RALYL: variants seen among roughly 807,000 people sequenced by gnomAD.
The protein encoded by RALYL is RNA-binding Raly-like protein.
RALYL carries 29 observed loss-of-function variants against 35.1 expected under a neutral mutation model. The observed-to-expected ratio is 0.83, with a 90% confidence interval of 0.61 to 1.13. The LOEUF (loss-of-function observed/expected upper bound fraction) is 1.13, where lower values mean the gene tolerates loss of function less well. Ranked by LOEUF, RALYL falls within the 50% of genes most tolerant of loss-of-function variation. RALYL has a pLI of 0.00. For missense variants in RALYL, 359 were observed against 360.4 expected (o/e 1.00, Z 0.03); for synonymous variants, 120 against 127.6 (o/e 0.94, Z 0.40).
intron 1 of RALYL, among the ~76,000 whole-genome samples, chr8:84,234,969 T>G (rs1015451808): frequency 6.6e-6 from 1 of 151,982 alleles, no homozygotes; most frequent in African/African-American, 2.4e-5. Context: ...TTCACTAAAT[T>G]GGCCAGGCTG....
At chr8:84,447,694 AG>A (rs1197546099) in intron 1 of RALYL, among the ~76,000 whole-genome samples, 1 of 152,068 alleles carries the variant, frequency 6.6e-6, no homozygotes, top group Non-Finnish European at 1.5e-5. Context: ...TGATTGAATG[AG>A]GACACTTTGT....
intron 1 of RALYL, among the ~76,000 whole-genome samples, chr8:84,384,408 C>T (rs1460422111): frequency 6.6e-6 from 1 of 151,730 alleles, no homozygotes; most frequent in Non-Finnish European, 1.5e-5. Flanking sequence ...TAGAGCATGT[C>T]CCACAAGATT....
chr8:84,864,661 G>A, intron 6 of RALYL: 1 of 374,440 alleles, frequency 2.7e-6, no homozygotes, highest in Non-Finnish European at 5.1e-6. Context: ...ATAGCTCCAA[G>A]GGATTACTGC....
chr8:84,842,680 G>A (rs1375337942), intron 4 of RALYL, among the ~76,000 whole-genome samples: 1 of 152,138 alleles, frequency 6.6e-6, no homozygotes, highest in East Asian at 1.9e-4. Context: ...GAGAATTTTA[G>A]ACCAATATCC....
At chr8:84,829,301 C>T (rs1269596938) in intron 4 of RALYL, 1 of 152,256 alleles carries the variant, frequency 6.6e-6, no homozygotes, top group African/African-American at 2.4e-5. Context: ...AGCTACAACT[C>T]AAGATGAGAT....
intron 1 of RALYL, among the ~76,000 whole-genome samples, chr8:84,388,377 C>T (rs958330066): frequency 6.6e-6 from 1 of 152,114 alleles, no homozygotes; most frequent in Non-Finnish European, 1.5e-5. Context: ...ATGGCTGGGT[C>T]AAATGGTATT....
intron 2 of RALYL, among the ~76,000 whole-genome samples, chr8:84,650,119 G>A (rs1480473882): frequency 3.3e-5 from 5 of 151,972 alleles, no homozygotes; most frequent in Admixed American, 1.3e-4. Flanking sequence ...TGTGATTTTT[G>A]TACATTGATT....
chr8:84,485,074 G>A (rs2054466247), intron 1 of RALYL, among the ~76,000 whole-genome samples: 1 of 152,088 alleles, frequency 6.6e-6, no homozygotes, highest in Non-Finnish European at 1.5e-5. Context: ...CCGCCTTCTT[G>A]AGCATCGTTG....
rs556468636 is a variant in RALYL at position 84,463,941 on chromosome 8, T to A, written c.-23-65358T>A. Among the ~76,000 whole-genome samples the A allele has an allele frequency of 3.9e-3, 586 of 152,144 alleles. 4 individuals carry two copies. The highest frequency in any genetic ancestry group is 6.4e-3 in the Non-Finnish European group (435 of 67,974). ...ACCACTGGTCTGCTTTGTATCCCTA[T>A]AGTTTCGCCTTTTCTAGAATGTCAT... On this transcript the variant is annotated intron_variant, in intron 1 of 8. Coordinates refer to ENST00000521268, the MANE Select transcript of RALYL (RefSeq NM_173848.7).
chr8:84,721,794 G>A (rs1843967978), intron 2 of RALYL, among the ~76,000 whole-genome samples: 1 of 152,028 alleles, frequency 6.6e-6, no homozygotes, highest in Non-Finnish European at 1.5e-5. Flanking sequence ...ATAAATCTTT[G>A]TCACTAATTT....
At chr8:84,832,308 C>G (rs1395575918) in intron 4 of RALYL, among the ~76,000 whole-genome samples, 1 of 151,960 alleles carries the variant, frequency 6.6e-6, no homozygotes, top group Non-Finnish European at 1.5e-5. Context: ...TGATAGATTT[C>G]CAGACCTGAA....
chr8:84,789,556 A>G (rs1820318995), intron 3 of RALYL, among the ~76,000 whole-genome samples: 1 of 152,190 alleles, frequency 6.6e-6, no homozygotes, highest in Non-Finnish European at 1.5e-5. Context: ...AAAACATTAT[A>G]TGATCTCATT....
intron 1 of RALYL, among the ~76,000 whole-genome samples, chr8:84,229,804 C>T (rs1457241007): frequency 6.6e-6 from 1 of 152,064 alleles, no homozygotes; most frequent in African/African-American, 2.4e-5. Flanking sequence ...TGTGACATCC[C>T]AAGGTTGGGC....
chr8:84,389,628 G>A (rs1399221093), intron 1 of RALYL, among the ~76,000 whole-genome samples: 3 of 151,084 alleles, frequency 2.0e-5, no homozygotes, highest in East Asian at 1.9e-4. Context: ...GTTCACTCAC[G>A]ATTTGGCTCT....
At chr8:84,576,754 G>A (rs1291049554) in intron 2 of RALYL, among the ~76,000 whole-genome samples, 1 of 152,152 alleles carries the variant, frequency 6.6e-6, no homozygotes, top group Non-Finnish European at 1.5e-5. Context: ...CTGACATATA[G>A]TAAGTTCTCA....
intron 1 of RALYL, among the ~76,000 whole-genome samples, chr8:84,197,284 A>G (rs1214247330): frequency 6.6e-6 from 1 of 152,162 alleles, no homozygotes; most frequent in African/African-American, 2.4e-5. Flanking sequence ...AAACCCCGCA[A>G]TCTACACAGC....
intron 4 of RALYL, among the ~76,000 whole-genome samples, chr8:84,809,768 T>C (rs1825496762): frequency 6.6e-6 from 1 of 152,132 alleles, no homozygotes; most frequent in African/African-American, 2.4e-5. Context: ...TTTATGTGCA[T>C]AAAGGTGTTC....
At chr8:84,367,005 C>T (rs1050634720) in intron 1 of RALYL, among the ~76,000 whole-genome samples, 5 of 151,804 alleles carry the variant, frequency 3.3e-5, no homozygotes, top group Non-Finnish European at 7.4e-5. Context: ...AGAGGACAAA[C>T]TGTACCGTGG....
rs1023636182 is a variant in RALYL at position 84,398,046 on chromosome 8, C to T, written c.-23-131253C>T. On this transcript the variant is annotated intron_variant, in intron 1 of 8. Coordinates refer to ENST00000521268, the MANE Select transcript of RALYL (RefSeq NM_173848.7). ...TTTTTGTATCTGGATTTAGATGCAACAAGAAGTGTTAAATGCTCAGAATTT... is the reference window on the plus strand; with the variant it reads ...TTTTTGTATCTGGATTTAGATGCAATAAGAAGTGTTAAATGCTCAGAATTT... Among the ~76,000 whole-genome samples the T allele has an allele frequency of 2.6e-5, 4 of 152,250 alleles. No homozygotes were observed. The South Asian group carries it at 8.3e-4, about 32-fold the overall frequency.
Sources: allele counts gnomAD v4.1 joint callset (sites outside exome capture counted in the v4.1 genomes callset), GRCh38; gene constraint gnomAD v4.1.1; transcripts MANE v1.5; gene names NCBI Gene and HGNC (gene_info 2026-07-23, HGNC 2026-07-21).